ERMP1: variants seen among roughly 807,000 people sequenced by gnomAD.
The protein encoded by ERMP1 is endoplasmic reticulum metallopeptidase 1.
Under a neutral mutation model 92.0 loss-of-function variants are expected in ERMP1, and 86 were observed. The observed-to-expected ratio is 0.93, with a 90% CI of 0.79 to 1.12. The LOEUF (loss-of-function observed/expected upper bound fraction) is 1.12. Among genes scored for constraint, ERMP1 ranks in the 50% most tolerant of loss-of-function variants. ERMP1 has a pLI of 0.00. For missense variants in ERMP1, 1,342 were observed against 1,116.3 expected, an observed-to-expected ratio of 1.20 and a Z score of -2.88; for synonymous variants, 530 against 412.8, an observed-to-expected ratio of 1.28 and a Z score of -3.44.
intron 13 of ERMP1, among the ~76,000 whole-genome samples, chr9:5,790,170 T>G (rs1055348647): frequency 7.9e-6 from 1 of 126,956 alleles, no homozygotes; most frequent in South Asian, 2.6e-4. Context: ...AAACAATACC[T>G]TTTTTTTTTT....
chr9:5,833,322 C>T (rs1469903375), upstream of ERMP1, among the ~76,000 whole-genome samples: 2 of 152,152 alleles, frequency 1.3e-5, no homozygotes, highest in Non-Finnish European at 2.9e-5. Context: ...CCTAAAAACC[C>T]AAAACGAGAA....
intron 6 of ERMP1, among the ~76,000 whole-genome samples, chr9:5,839,812 G>C (rs969660458): frequency 1.3e-5 from 2 of 152,160 alleles, no homozygotes; most frequent in African/African-American, 4.8e-5. Flanking sequence ...GACAACAATG[G>C]ATCTTGTAGG....
intron 4 of ERMP1, among the ~76,000 whole-genome samples, chr9:5,813,740 T>C (rs912593609): frequency 4.6e-5 from 7 of 151,862 alleles, no homozygotes; most frequent in African/African-American, 7.2e-5. Flanking sequence ...ATAAAGTTCC[T>C]TGTTACTTTT....
intron 10 of ERMP1, among the ~76,000 whole-genome samples, 190 bp from the exon 11 acceptor site, chr9:5,801,518 A>G (rs1828671885): frequency 6.6e-6 from 1 of 152,208 alleles, no homozygotes; most frequent in Admixed American, 6.5e-5. Flanking sequence ...GCAGGTGAGA[A>G]CCTAGAAAAT....
intron 6 of ERMP1, among the ~76,000 whole-genome samples, chr9:5,848,464 T>A (rs1563781352): frequency 6.6e-6 from 1 of 152,196 alleles, no homozygotes; most frequent in Non-Finnish European, 1.5e-5. Flanking sequence ...TTCGTATTGT[T>A]CTAGGTCCCT....
At chr9:5,834,697 G>GTA (rs1173369504), upstream of ERMP1, among the ~76,000 whole-genome samples, 1 of 136,522 alleles carries the variant, frequency 7.3e-6, no homozygotes, top group African/African-American at 2.7e-5. Flanking sequence ...CTATATGTAT[G>GTA]TATATATGTG....
At chr9:5,813,485 G>C (rs1325006699) in intron 4 of ERMP1, among the ~76,000 whole-genome samples, 1 of 152,120 alleles carries the variant, frequency 6.6e-6, no homozygotes, top group Non-Finnish European at 1.5e-5. Flanking sequence ...AAATGCTTGG[G>C]ATCAGAAGTA....
chr9:5,791,343 C>G, intron 13 of ERMP1: 1 of 455,550 alleles, frequency 2.2e-6, no homozygotes, highest in South Asian at 1.6e-5. Flanking sequence ...TCCCCATTCC[C>G]TCTCCTTGGG....
chr9:5,827,927 G>C (rs1466325313), intron 2 of ERMP1, among the ~76,000 whole-genome samples: 16 of 152,186 alleles, frequency 1.1e-4, no homozygotes, highest in Admixed American at 9.8e-4. Context: ...GCAGTGAGCC[G>C]AGATCGCGCC....
intron 2 of ERMP1, among the ~76,000 whole-genome samples, chr9:5,827,087 ACAC>A (rs1375581878): frequency 6.6e-6 from 1 of 152,230 alleles, no homozygotes; most frequent in African/African-American, 2.4e-5. Context: ...ACCTGGAACC[ACAC>A]AGCAAACTCA....
chr9:5,855,357 C>A (rs1830361445), intron 6 of ERMP1, among the ~76,000 whole-genome samples: 1 of 152,182 alleles, frequency 6.6e-6, no homozygotes, highest in South Asian at 2.1e-4. Flanking sequence ...CAGGAGGGCA[C>A]ATACCAGAGA....
At chr9:5,810,915 T>A (rs1009971994) in intron 7 of ERMP1, among the ~76,000 whole-genome samples, 196 bp downstream of exon 7, 6 of 152,190 alleles carry the variant, frequency 3.9e-5, no homozygotes, top group Non-Finnish European at 8.8e-5. Context: ...CCTAAATATA[T>A]AAAAATTGAC....
At chr9:5,864,367 A>T (rs1169551719) in intron 5 of ERMP1, among the ~76,000 whole-genome samples, 1 of 152,182 alleles carries the variant, frequency 6.6e-6, no homozygotes, top group African/African-American at 2.4e-5. Context: ...CCTCACCAAG[A>T]ACCCATCCTC....
chr9:5,859,532 A>G (rs952656974), exon 6 of ERMP1, among the ~76,000 whole-genome samples: 4 of 152,222 alleles, frequency 2.6e-5, no homozygotes, highest in African/African-American at 9.6e-5. Flanking sequence ...AGAAATGGCA[A>G]GTGGGCAACA....
At chr9:5,852,262 G>GTT in intron 6 of ERMP1, among the ~76,000 whole-genome samples, 1 of 141,332 alleles carries the variant, frequency 7.1e-6, no homozygotes, top group African/African-American at 2.6e-5. Flanking sequence ...GTTTTTTTTT[G>GTT]TTTTTTTGTT....
intron 6 of ERMP1, among the ~76,000 whole-genome samples, chr9:5,840,815 G>A (rs1168028252): frequency 1.3e-5 from 2 of 152,172 alleles, no homozygotes; most frequent in Non-Finnish European, 2.9e-5. Context: ...ACCTTCATTT[G>A]CATGGCATTA....
intron 4 of ERMP1, among the ~76,000 whole-genome samples, chr9:5,815,403 C>T (rs1055008136): frequency 2.0e-5 from 3 of 151,010 alleles, no homozygotes; most frequent in Admixed American, 6.6e-5. Flanking sequence ...ATAGACACCA[C>T]TGGCCTAAAC....
intron 5 of ERMP1, among the ~76,000 whole-genome samples, chr9:5,860,807 C>T (rs1830463278): frequency 6.6e-6 from 1 of 151,960 alleles, no homozygotes; most frequent in African/African-American, 2.4e-5. Context: ...GTCTCAAACT[C>T]CTGGTCTCAA....
chr9:5,784,972 T>A lies in ERMP1; in HGVS notation c.*2172A>T, dbSNP rs1480067096. 2.6e-5 allele frequency: 4 copies of A among 152,214 alleles called. No individual in the cohort carries two copies. Among genetic ancestry groups the A allele is most frequent in the African/African-American group, 7.2e-5 (3 of 41,442 alleles). The allele number at this position is 152,214 out of a possible 1,614,324, so 9.4% of individuals were successfully genotyped here. A position where few individuals can be genotyped will look rare whatever the true frequency, so the allele number is the denominator to read the frequency against. ...AATGATCACTCTTTAAAAATTTTTTTTAATCTCAGAATCTACTAATGTGAC... is the reference window on the plus strand; with the variant it reads ...AATGATCACTCTTTAAAAATTTTTTATAATCTCAGAATCTACTAATGTGAC... On this transcript the variant is annotated 3_prime_UTR_variant, in exon 15 of 15. Transcript: ENST00000339450.
Sources: allele counts gnomAD v4.1 joint callset (sites outside exome capture counted in the v4.1 genomes callset), GRCh38; gene constraint gnomAD v4.1.1; transcripts MANE v1.5; gene names NCBI Gene and HGNC (gene_info 2026-07-23, HGNC 2026-07-21).